The following ELFN1 variants were observed in gnomAD, a reference collection of about 807,000 sequenced individuals.
ELFN1 encodes the protein protein ELFN1.
Under a neutral mutation model 7.6 loss-of-function variants are expected in ELFN1, and 6 were observed. That is an observed-to-expected ratio of 0.79 (90% CI 0.43 to 1.56). ELFN1 has a LOEUF of 1.56. ELFN1 is among the 40% of genes most tolerant of loss of function. The pLI is 0.01. For missense variants in ELFN1, 1,169 were observed against 1,232.2 expected (o/e 0.95, Z 0.77); for synonymous variants, 657 against 588.1 (o/e 1.12, Z -1.70).
In ELFN1 at chr7:1,679,138, C is replaced by T. The variant is rs371938455; in HGVS notation, c.-549+8784C>T. 9.2e-5 allele frequency among the ~76,000 whole-genome samples: 14 copies of T among 152,016 alleles called. 1 individual carries two copies. In the South Asian group the frequency reaches 1.0e-3, roughly 11 times the overall value. ...AGCCCACCCCCCACATACACACACA[C>T]GCGTGCGCGCACACACACACGCGTG... On this transcript the variant is annotated intron_variant, in intron 1 of 3. Coordinates refer to ENST00000424383, the MANE Select transcript of ELFN1 (RefSeq NM_001128636.4).
chr7:1,686,052 C>A (rs1779056838), intron 1 of ELFN1, among the ~76,000 whole-genome samples: 1 of 142,856 alleles, frequency 7.0e-6, no homozygotes, highest in African/African-American at 2.8e-5. Context: ...GTGACGGTTT[C>A]CATTGACTTT....
At chr7:1,699,509 C>T (rs1250137913) in intron 2 of ELFN1, among the ~76,000 whole-genome samples, 1 of 152,092 alleles carries the variant, frequency 6.6e-6, no homozygotes, top group Non-Finnish European at 1.5e-5. Flanking sequence ...GGTACAGTGA[C>T]ACATACCTGT....
intron 3 of ELFN1, among the ~76,000 whole-genome samples, chr7:1,733,183 G>T (rs1348447335): frequency 2.0e-5 from 3 of 152,158 alleles, no homozygotes; most frequent in Admixed American, 1.3e-4. Context: ...TTATAGGTGT[G>T]AGCCACCGCA....
At chr7:1,694,260 C>T (rs955117824) in intron 2 of ELFN1, 10 of 180,300 alleles carry the variant, frequency 5.5e-5, no homozygotes, top group African/African-American at 1.6e-4. Context: ...ATGCCATCAC[C>T]TTAAACCCAC....
chr7:1,725,951 CAA>C (rs1780182395), intron 3 of ELFN1, among the ~76,000 whole-genome samples: 1 of 140,198 alleles, frequency 7.1e-6, no homozygotes, highest in South Asian at 2.3e-4. Context: ...TACACACGCA[CAA>C]AAGTCACACA....
intron 2 of ELFN1, among the ~76,000 whole-genome samples, chr7:1,701,134 CATGT>C (rs757715778): frequency 2.0e-5 from 3 of 150,562 alleles, no homozygotes; most frequent in Non-Finnish European, 4.4e-5. Flanking sequence ...CCTGTGTGTG[CATGT>C]GTGTGTGTGG....
chr7:1,694,021 C>G (rs1372921609), intron 2 of ELFN1: 2 of 356,066 alleles, frequency 5.6e-6, no homozygotes, highest in African/African-American at 4.3e-5. Flanking sequence ...ACGCTTAGAG[C>G]TGAACAGCCT....
intron 2 of ELFN1, among the ~76,000 whole-genome samples, chr7:1,696,456 A>G (rs1425563807): frequency 1.3e-5 from 2 of 151,400 alleles, no homozygotes; most frequent in Non-Finnish European, 2.9e-5. Flanking sequence ...CAGTGACACA[A>G]TCACAGATCA....
At position 1,739,989 on chromosome 7, in the gene ELFN1, G is replaced by T. The variant is rs1475054510; in HGVS notation, c.-293-4315G>T. Among the ~76,000 whole-genome samples, 1 of 152,244 alleles carries T rather than the reference G, an allele frequency of 6.6e-6. No individual in the cohort carries two copies. Among genetic ancestry groups the T allele is most frequent in the Non-Finnish European group, 1.5e-5 (1 of 68,036 alleles). On this transcript the variant is annotated intron_variant, in intron 3 of 3. Transcript: ENST00000424383. This position sits in a 1 kb window ranked among gnomAD's most constrained non-coding sequence, Gnocchi z 4.6. ...TTCTAGAACTACGAGTTCCAATACGGCAGCTACTAGCCACGTTTCTGGCAC... is the reference window on the plus strand; with the variant it reads ...TTCTAGAACTACGAGTTCCAATACGTCAGCTACTAGCCACGTTTCTGGCAC...
At chr7:1,710,040 G>A (rs894096907) in intron 3 of ELFN1, among the ~76,000 whole-genome samples, 2 of 152,230 alleles carry the variant, frequency 1.3e-5, no homozygotes, top group Admixed American at 1.3e-4. Context: ...ATAGAGCTCG[G>A]TTGTAATATC....
rs530200834 is a variant in ELFN1, at chr7:1,745,901, C to T, written c.1305C>T (p.Ala435=). ...CLFGMVLVLG[A]VYYCLRRRRR... is the part of the protein sequence containing the mutation. ...TCGGCATGGTGCTGGTGCTGGGCGC[C>T]GTCTACTACTGCCTGCGCAGGCGGC... The change falls in exon 4 of 4, where the codon GCC becomes GCT. Residue 435 remains alanine, a synonymous_variant. Coordinates refer to ENST00000424383, the MANE Select transcript of ELFN1 (RefSeq NM_001128636.4). The T allele has an allele frequency of 2.8e-5, 44 of 1,586,026 alleles. No homozygotes were observed. The highest frequency in any genetic ancestry group is 1.6e-4 in the East Asian group (7 of 43,232).
chr7:1,712,408 C>T (rs10281936), intron 3 of ELFN1, among the ~76,000 whole-genome samples: 26,745 of 151,066 alleles, frequency 0.18, 2,422 homozygotes, highest in East Asian at 0.22. Flanking sequence ...GCATGAGCCA[C>T]GGTGCCCAGC....
At chr7:1,684,528 AC>A (rs1779028628) in intron 1 of ELFN1, among the ~76,000 whole-genome samples, 1 of 152,046 alleles carries the variant, frequency 6.6e-6, no homozygotes, top group Non-Finnish European at 1.5e-5. Flanking sequence ...TCATGTCTTT[AC>A]CCATTCTTTT....
At chr7:1,676,547 C>T (rs1328004367) in intron 1 of ELFN1, among the ~76,000 whole-genome samples, 10 of 152,210 alleles carry the variant, frequency 6.6e-5, no homozygotes, top group Non-Finnish European at 1.3e-4. Context: ...GCAGAGCCGC[C>T]ACTGCTGGCA....
intron 2 of ELFN1, among the ~76,000 whole-genome samples, chr7:1,690,825 T>C (rs1397715411): frequency 6.6e-6 from 1 of 150,800 alleles, no homozygotes; most frequent in East Asian, 1.9e-4. Flanking sequence ...GGTGGAGAGG[T>C]GGATGGATGG....
At chr7:1,703,967 A>G (rs1021555249) in intron 2 of ELFN1, among the ~76,000 whole-genome samples, 1 of 152,194 alleles carries the variant, frequency 6.6e-6, no homozygotes, top group African/African-American at 2.4e-5. Flanking sequence ...CTCAGTACAA[A>G]TCCCGGCTCT....
chr7:1,731,429 A>T (rs1780322904), intron 3 of ELFN1, among the ~76,000 whole-genome samples: 1 of 152,218 alleles, frequency 6.6e-6, no homozygotes, highest in African/African-American at 2.4e-5. Flanking sequence ...ATTGTGCTGA[A>T]ATTGGTAAAA....
chr7:1,680,774 C>G (rs1410636757), intron 1 of ELFN1, among the ~76,000 whole-genome samples: 2 of 141,750 alleles, frequency 1.4e-5, no homozygotes, highest in Non-Finnish European at 3.0e-5. Flanking sequence ...CTGAATCTCA[C>G]TCTGTTGCCT....
chr7:1,669,188 G>A (rs1211381104), upstream of ELFN1, among the ~76,000 whole-genome samples: 1 of 152,226 alleles, frequency 6.6e-6, no homozygotes, highest in East Asian at 1.9e-4. Context: ...TTCCCTCTCC[G>A]GTCCCCACAC....
Sources: gnomAD v4.1 joint callset for allele counts (sites outside exome capture counted in the v4.1 genomes callset) on GRCh38, gnomAD v4.1.1 for gene constraint, Gnocchi (gnomAD v3.1) non-coding constraint, MANE v1.5 for transcripts, NCBI Gene and HGNC (gene_info 2026-07-23, HGNC 2026-07-21) for gene names.